The following RANBP17 variants were observed in gnomAD, a reference collection of about 807,000 sequenced individuals.
The protein encoded by RANBP17 is RAN binding protein 17.
RANBP17 carries 158 observed loss-of-function variants against 141.2 expected under a neutral mutation model. That is an observed-to-expected ratio of 1.12 (90% CI 0.98 to 1.28). The LOEUF (loss-of-function observed/expected upper bound fraction) is 1.28, where lower values mean the gene tolerates loss of function less well. RANBP17 is among the 50% of genes most tolerant of loss of function. RANBP17 has a pLI of 0.00. For missense variants in RANBP17, 1,438 were observed against 1,290.7 expected, an observed-to-expected ratio of 1.11 and a Z score of -1.75; for synonymous variants, 430 against 450.0, an observed-to-expected ratio of 0.96 and a Z score of 0.56.
chr5:171,060,870 C>T lies in RANBP17; in HGVS notation c.1710+92493C>T, dbSNP rs528517335. On this transcript the variant is annotated intron_variant, in intron 14 of 27. Transcript: ENST00000523189. ...GTTATTAGTCTATTCAGAGATTCAG[C>T]TTCTTCCTGGTTTAGTCTTGGGAGG... Among the ~76,000 whole-genome samples, 1,148 of 152,248 alleles carry T rather than the reference C, an allele frequency of 7.5e-3. 13 individuals carry two copies. Among genetic ancestry groups the T allele is most frequent in the African/African-American group, 0.026 (1,087 of 41,544 alleles).
intron 1 of RANBP17, among the ~76,000 whole-genome samples, chr5:170,872,628 A>G (rs1488621079): frequency 6.6e-6 from 1 of 152,232 alleles, no homozygotes; most frequent in Non-Finnish European, 1.5e-5. Flanking sequence ...CCTATTCAGT[A>G]TGACATTGGC....
intron 14 of RANBP17, among the ~76,000 whole-genome samples, chr5:171,017,787 G>C (rs1191150212): frequency 6.6e-6 from 1 of 152,094 alleles, no homozygotes; most frequent in Non-Finnish European, 1.5e-5. Flanking sequence ...TTTGGTTTTT[G>C]TTGCAATTGC....
At chr5:170,939,238 T>C (rs1471632090) in intron 12 of RANBP17, among the ~76,000 whole-genome samples, 1 of 152,180 alleles carries the variant, frequency 6.6e-6, no homozygotes, top group Admixed American at 6.5e-5. Flanking sequence ...CGTTTTCTAC[T>C]AGCCGATCTT....
chr5:170,991,700 T>G (rs911112457), intron 14 of RANBP17, among the ~76,000 whole-genome samples: 1 of 151,990 alleles, frequency 6.6e-6, no homozygotes, highest in Admixed American at 6.6e-5. Context: ...ACAGAAGTGA[T>G]ACCTTTTACA....
chr5:170,929,817 G>A (rs771449908), intron 12 of RANBP17, among the ~76,000 whole-genome samples: 10 of 152,056 alleles, frequency 6.6e-5, no homozygotes, highest in Admixed American at 3.3e-4. Context: ...GATAGAATTC[G>A]TCTGTGAAGC....
rs1441260696 is a variant in RANBP17 at position 171,296,002 on chromosome 5, A to G, written c.3158A>G (p.Lys1053Arg). 1 of 1,613,626 alleles carries G rather than the reference A, an allele frequency of 6.2e-7. No homozygotes were observed. Residue 1053 changes from lysine (K) to arginine (R), a missense_variant, in exon 27 of 28, where the codon AAG becomes AGG. By Grantham distance (26) the Lys-to-Arg change is conservative. Coordinates refer to ENST00000523189, the MANE Select transcript of RANBP17 (RefSeq NM_022897.5). ...MEGVEQNLSVKNRDRFTQNLS... is the reference protein window; with the variant it reads ...MEGVEQNLSVRNRDRFTQNLS... The stretch of plus-strand genomic sequence containing the variant: ...GGAGTGGAGCAGAACCTGTCCGTCA[A>G]GAACAGAGACAGGTGAGCATTGCCC...
At chr5:171,049,769 A>G (rs1414289182) in intron 14 of RANBP17, among the ~76,000 whole-genome samples, 2 of 152,100 alleles carry the variant, frequency 1.3e-5, no homozygotes, top group Non-Finnish European at 2.9e-5. Flanking sequence ...GTCAAAGAGC[A>G]CATGGCTGTA....
intron 24 of RANBP17, among the ~76,000 whole-genome samples, chr5:171,258,223 ATGAAAGAAGT>A (rs1476128853): frequency 6.6e-6 from 1 of 152,042 alleles, no homozygotes; most frequent in African/African-American, 2.4e-5. Flanking sequence ...CAAAACACTG[ATGAAAGAAGT>A]TGAAGATGAC....
At chr5:171,021,968 TTG>T (rs1780888055) in intron 14 of RANBP17, among the ~76,000 whole-genome samples, 5 of 151,936 alleles carry the variant, frequency 3.3e-5, no homozygotes, top group African/African-American at 1.2e-4. Context: ...GACTTTTTTG[TTG>T]TTGTTGTTGA....
chr5:171,010,133 C>G (rs537278266), intron 14 of RANBP17, among the ~76,000 whole-genome samples: 1 of 151,946 alleles, frequency 6.6e-6, no homozygotes, highest in South Asian at 2.1e-4. Context: ...CACAACCATG[C>G]GGGACAAGAT....
chr5:170,891,842 G>C (rs1181025350), intron 3 of RANBP17, among the ~76,000 whole-genome samples: 1 of 152,186 alleles, frequency 6.6e-6, no homozygotes, highest in East Asian at 1.9e-4. Flanking sequence ...AACCATATCA[G>C]CCTGGTTTCG....
At position 171,073,572 on chromosome 5, in the gene RANBP17, T is replaced by C. The variant is rs537910151; in HGVS notation, c.1711-96558T>C. Among the ~76,000 whole-genome samples, 16 of 152,274 alleles carry C rather than the reference T, an allele frequency of 1.1e-4. No homozygotes were observed. In the South Asian group the frequency reaches 3.3e-3, roughly 32 times the overall value. ...GAGCAGAGATTCATGTTTATTTTAA[T>C]ATGTATATGGATAAATATATATAGA... On this transcript the variant is annotated intron_variant, in intron 14 of 27. Coordinates refer to ENST00000523189, the MANE Select transcript of RANBP17 (RefSeq NM_022897.5).
At chr5:171,058,595 T>A (rs1783577675) in intron 14 of RANBP17, among the ~76,000 whole-genome samples, 1 of 151,374 alleles carries the variant, frequency 6.6e-6, no homozygotes, top group African/African-American at 2.4e-5. Flanking sequence ...AAGTCTTTGC[T>A]ATTTTGAATA....
intron 14 of RANBP17, among the ~76,000 whole-genome samples, chr5:171,012,048 ATTATATTATTTGTT>A (rs1780083987): frequency 2.8e-5 from 4 of 144,654 alleles, no homozygotes; most frequent in African/African-American, 9.9e-5. Context: ...GTTTAAACAA[ATTATATTATTTGTT>A]TAAACGAATA....
At chr5:170,998,100 A>G (rs911752994) in intron 14 of RANBP17, among the ~76,000 whole-genome samples, 1 of 152,064 alleles carries the variant, frequency 6.6e-6, no homozygotes, top group Non-Finnish European at 1.5e-5. Context: ...AGAAAAAAAA[A>G]AAAAACCCTT....
Position 171,295,980 on chromosome 5 carries a change from G to C in RANBP17, c.3136G>C (p.Val1046Leu), listed in dbSNP as rs762531971. 16 of 1,613,796 alleles carry C rather than the reference G, an allele frequency of 9.9e-6. No individual in the cohort carries two copies. The African/African-American group carries it at 1.9e-4, about 19-fold the overall frequency. The change falls in exon 27 of 28, where the codon GTG (valine) becomes CTG (leucine). Residue 1046 changes from valine to leucine, a missense_variant. Physicochemically the swap from Val to Leu is conservative, Grantham distance 32. Coordinates refer to ENST00000523189, the MANE Select transcript of RANBP17 (RefSeq NM_022897.5). ...GTGCTTCAGAAACCTAATGGAAGGA[G>C]TGGAGCAGAACCTGTCCGTCAAGAA... ...AQCFRNLMEG[V>L]EQNLSVKNRD... is the part of the protein sequence containing the mutation.
rs182347158 is a variant in RANBP17, at chr5:171,050,748, T to C, written c.1710+82371T>C. On this transcript the variant is annotated intron_variant, in intron 14 of 27. Coordinates refer to ENST00000523189, the MANE Select transcript of RANBP17 (RefSeq NM_022897.5). ...CATTTATTTAAATATCTACCCTTTCTGTTTTCTTTCACTCCAGATAGTCCA... is the reference window on the plus strand; with the variant it reads ...CATTTATTTAAATATCTACCCTTTCCGTTTTCTTTCACTCCAGATAGTCCA... Among the ~76,000 whole-genome samples, 932 of 152,308 alleles carry C rather than the reference T, an allele frequency of 6.1e-3. 8 individuals carry two copies. The highest frequency in any genetic ancestry group is 0.021 in the African/African-American group (889 of 41,584).
chr5:170,864,615 GAGA>G (rs992082991), intron 1 of RANBP17, among the ~76,000 whole-genome samples: 33 of 152,294 alleles, frequency 2.2e-4, no homozygotes, highest in East Asian at 5.8e-4. Context: ...AAAAAGAATT[GAGA>G]AGAAGTAAGA....
At chr5:170,910,315 T>C (rs1012812862) in intron 6 of RANBP17, 1 of 152,724 alleles carries the variant, frequency 6.5e-6, no homozygotes, top group South Asian at 2.1e-4. Flanking sequence ...AGCCTGATAA[T>C]TGGTGTAATA....
Sources: gnomAD v4.1 joint callset for allele counts (sites outside exome capture counted in the v4.1 genomes callset) on GRCh38, gnomAD v4.1.1 for gene constraint, MANE v1.5 for transcripts, NCBI Gene and HGNC (gene_info 2026-07-23, HGNC 2026-07-21) for gene names.